Variants in GRM7 observed in about 807,000 individuals in gnomAD.
GRM7 encodes the protein glutamate metabotropic receptor 7.
Under a neutral mutation model 84.5 loss-of-function variants are expected in GRM7, and 35 were observed. The ratio of observed to expected loss-of-function variants is 0.41; its 90% CI spans 0.32 to 0.55. The LOEUF (loss-of-function observed/expected upper bound fraction) is 0.55, where lower values mean the gene tolerates loss of function less well. Ranked by LOEUF, GRM7 falls within the 20% of genes least tolerant of loss-of-function variation. GRM7 has a pLI of 0.19. For missense variants in GRM7, 1,003 were observed against 1,194.6 expected (o/e 0.84, Z 2.36); for synonymous variants, 487 against 455.1 (o/e 1.07, Z -0.89).
chr3:7,226,509 A>G lies in GRM7; in HGVS notation c.737-72175A>G, dbSNP rs181174525. Among the ~76,000 whole-genome samples the G allele has an allele frequency of 2.0e-5, 3 of 152,276 alleles. No individual in the cohort carries two copies. The East Asian group carries it at 5.8e-4, about 29-fold the overall frequency. On this transcript the variant is annotated intron_variant, in intron 2 of 9. Transcript: ENST00000357716. Reference sequence around the variant, plus strand: ...GAAGCGTCTCGAACTCCAGTCAAAGACAGAGTTCTGTATAAAATAACACAA... The same window carrying G: ...GAAGCGTCTCGAACTCCAGTCAAAGGCAGAGTTCTGTATAAAATAACACAA...
chr3:7,558,889 T>C (rs1458879327), intron 7 of GRM7, among the ~76,000 whole-genome samples: 1 of 152,126 alleles, frequency 6.6e-6, no homozygotes, highest in Non-Finnish European at 1.5e-5. Context: ...TTCTCAAGAA[T>C]TGTGTTCAAA....
rs533839777 is a variant in GRM7 at position 7,306,669 on chromosome 3, C to T, written c.1033+17C>T. ...CGGTGGAAGGTATGGGTTTCATCAG[C>T]AGTAGGTTTGCTGAGAGAAGTTCTG... On this transcript the variant is annotated intron_variant, in intron 4 of 9. Coordinates refer to ENST00000357716, the MANE Select transcript of GRM7 (RefSeq NM_000844.4). The T allele has an allele frequency of 7.0e-6, 11 of 1,569,246 alleles. No individual in the cohort carries two copies. The East Asian group carries it at 1.8e-4, about 26-fold the overall frequency.
At chr3:6,933,575 G>A (rs974143824) in intron 1 of GRM7, among the ~76,000 whole-genome samples, 10 of 152,052 alleles carry the variant, frequency 6.6e-5, no homozygotes, top group Admixed American at 5.9e-4. Context: ...ACTTGTTTAA[G>A]ATAAAACTAA....
rs1026419873 is a variant in GRM7, at chr3:7,618,696, CAA to C, written c.2451+39341_2451+39342del. Among the ~76,000 whole-genome samples the C allele has an allele frequency of 4.2e-4, 64 of 152,094 alleles. 2 individuals are homozygous for C. The highest frequency in any genetic ancestry group is 1.5e-5 in the Non-Finnish European group (1 of 68,020). On this transcript the variant is annotated intron_variant, in intron 8 of 9. Transcript: ENST00000357716. ...AAATTCCCCTTATGACGAGCCAACA[CAA>C]AGGCACATCTCTTTCCCAGAAGCTG...
intron 1 of GRM7, among the ~76,000 whole-genome samples, chr3:7,133,629 T>G (rs772295891): frequency 3.3e-5 from 5 of 152,246 alleles, no homozygotes; most frequent in Non-Finnish European, 7.3e-5. Flanking sequence ...CAAACTTCTA[T>G]GTATGAGATG....
intron 2 of GRM7, among the ~76,000 whole-genome samples, chr3:7,156,433 T>G (rs933843127): frequency 4.6e-5 from 7 of 152,176 alleles, no homozygotes; most frequent in African/African-American, 1.4e-4. Context: ...ATGACTGCAC[T>G]TAGATAGAGT....
chr3:7,143,388 A>G (rs952369443), intron 1 of GRM7, among the ~76,000 whole-genome samples: 24 of 152,156 alleles, frequency 1.6e-4, no homozygotes, highest in African/African-American at 5.8e-4. Context: ...TTATCTCAGA[A>G]TAAAATCCTT....
chr3:7,362,491 C>CT (rs143040420), intron 4 of GRM7, among the ~76,000 whole-genome samples: 5,426 of 151,212 alleles, frequency 0.036, 300 homozygotes, highest in African/African-American at 0.12. Context: ...TTAGAAAAAT[C>CT]TTTTTTTTTC....
intron 1 of GRM7, among the ~76,000 whole-genome samples, chr3:6,927,484 A>AGAAG (rs1697347172): frequency 1.9e-5 from 2 of 106,026 alleles, no homozygotes; most frequent in African/African-American, 6.3e-5. Flanking sequence ...AAAGAAAGAA[A>AGAAG]GAAAGAAAGA....
intron 9 of GRM7, among the ~76,000 whole-genome samples, chr3:7,710,811 A>T (rs543233949): frequency 6.6e-6 from 1 of 152,250 alleles, no homozygotes; most frequent in Admixed American, 6.5e-5. Context: ...TCAATGCCAT[A>T]ATCTTCACCC....
Position 6,916,535 on chromosome 3 carries a change from C to T in GRM7, c.519+54628C>T, listed in dbSNP as rs534298731. ...AGAGTTCTAGAGGCTGGGAAGTCCA[C>T]AATCAAGGTGCCAGCAGATTCAGTG... is the stretch of plus-strand genomic sequence containing the variant. On this transcript the variant is annotated intron_variant, in intron 1 of 9. Transcript: ENST00000357716. Among the ~76,000 whole-genome samples, 15 of 152,236 alleles carry T rather than the reference C, an allele frequency of 9.9e-5. No homozygotes were observed. The South Asian group carries it at 3.1e-3, about 32-fold the overall frequency.
At chr3:7,155,225 T>C (rs750828100) in intron 2 of GRM7, among the ~76,000 whole-genome samples, 2 of 152,040 alleles carry the variant, frequency 1.3e-5, no homozygotes, top group Non-Finnish European at 2.9e-5. Flanking sequence ...TTTGGGAAAA[T>C]AGGACACCTT....
At chr3:7,174,242 C>T (rs369675526) in intron 2 of GRM7, among the ~76,000 whole-genome samples, 10 of 152,042 alleles carry the variant, frequency 6.6e-5, no homozygotes, top group East Asian at 3.9e-4. Flanking sequence ...ATTAGAAGAT[C>T]GTGAGTATCA....
intron 1 of GRM7, among the ~76,000 whole-genome samples, chr3:6,959,524 G>C (rs1163803702): frequency 1.3e-5 from 2 of 152,038 alleles, no homozygotes; most frequent in Non-Finnish European, 2.9e-5. Context: ...TGCTCTGTGA[G>C]GCTATGAAAA....
intron 2 of GRM7, among the ~76,000 whole-genome samples, chr3:7,171,450 G>A (rs9854645): frequency 0.73 from 110,294 of 152,012 alleles, 40,152 homozygotes; most frequent in East Asian, 0.87. Flanking sequence ...ACTTCAATGT[G>A]TCTTTATTTG....
intron 9 of GRM7, among the ~76,000 whole-genome samples, chr3:7,728,178 C>T (rs1702196604): frequency 6.6e-6 from 1 of 152,162 alleles, no homozygotes; most frequent in East Asian, 1.9e-4. Flanking sequence ...CTCAAGGATG[C>T]TTTCATAAGA....
At chr3:7,035,210 C>T (rs1394238326) in intron 1 of GRM7, among the ~76,000 whole-genome samples, 22 of 152,172 alleles carry the variant, frequency 1.4e-4, no homozygotes, top group Admixed American at 7.2e-4. Context: ...AGATGTGCAC[C>T]GCCTGAGACA....
chr3:7,297,077 G>A (rs555259611), intron 2 of GRM7, among the ~76,000 whole-genome samples: 5 of 151,942 alleles, frequency 3.3e-5, no homozygotes, highest in Admixed American at 2.6e-4. Flanking sequence ...TTCTCTTAAA[G>A]TGAATGTTTA....
At chr3:7,153,855 A>G (rs1359340700) in intron 2 of GRM7, among the ~76,000 whole-genome samples, 1 of 152,156 alleles carries the variant, frequency 6.6e-6, no homozygotes, top group Non-Finnish European at 1.5e-5. Flanking sequence ...GAGTAGAATT[A>G]CATATTTAGA....
Sources: allele counts gnomAD v4.1 joint callset (sites outside exome capture counted in the v4.1 genomes callset), GRCh38; gene constraint gnomAD v4.1.1; transcripts MANE v1.5; gene names NCBI Gene and HGNC (gene_info 2026-07-23, HGNC 2026-07-21).